CCDC40: variants seen among roughly 807,000 people sequenced by gnomAD.
CCDC40 encodes the protein coiled-coil domain 40 molecular ruler complex subunit, also known as coiled-coil domain-containing protein 40.
CCDC40 carries 104 observed loss-of-function variants against 124.5 expected under a neutral mutation model. The observed-to-expected ratio is 0.84, with a 90% CI of 0.71 to 0.98. CCDC40 has a LOEUF of 0.98. CCDC40 is among the 50% of genes least tolerant of loss of function. The probability of loss-of-function intolerance (pLI) is 0.00; values close to 1 mark genes in which losing one functional copy is unlikely to be tolerated. For synonymous variants in CCDC40, 580 were observed against 602.9 expected, an observed-to-expected ratio of 0.96 and a Z score of 0.56; for missense variants, 1,463 against 1,503.9, an observed-to-expected ratio of 0.97 and a Z score of 0.45.
chr17:80,049,373 C>T (rs1293946099), intron 5 of CCDC40, among the ~76,000 whole-genome samples: 1 of 149,020 alleles, frequency 6.7e-6, no homozygotes, highest in Non-Finnish European at 1.5e-5. Context: ...GGCACCAGTG[C>T]ACTCCAGCCT....
rs1485851817 is a variant in CCDC40 at position 80,044,704 on chromosome 17, A to ATGTGTATATATATATATAT, written c.553-2575_553-2574insTGTGTATATATATATATAT. On this transcript the variant is annotated intron_variant, in intron 3 of 19. Coordinates refer to ENST00000397545, the MANE Select transcript of CCDC40 (RefSeq NM_017950.4). ...TCTCAAAAACAAAACAAAACAAACA[A>ATGTGTATATATATATATAT]ACAAAAAAAAAAATATATATATATA... Among the ~76,000 whole-genome samples, 60 of 37,200 alleles carry ATGTGTATATATATATATAT rather than the reference A, an allele frequency of 1.6e-3. 2 individuals are homozygous for ATGTGTATATATATATATAT. The highest frequency in any genetic ancestry group is 4.2e-3 in the African/African-American group (53 of 12,622). The allele number at this position is 37,200 out of a possible 152,430, so 24.4% of individuals were successfully genotyped here.
At chr17:80,085,092 A>C in intron 13 of CCDC40, 104 bp downstream of exon 13, 1 of 1,418,384 alleles carries the variant, frequency 7.1e-7, no homozygotes, top group Non-Finnish European at 9.7e-7. Context: ...CCTGGAAGGC[A>C]CAGAACTGCC....
chr17:80,086,299 T>C lies in CCDC40; in HGVS notation c.2449+83T>C, dbSNP rs2038587576. ...CACCTCCCAGGGGAGGGGCACTCAG[T>C]GGGGCACGTCGCTGGATTTGCACGC... On this transcript the variant is annotated intron_variant, in intron 14 of 19. Coordinates refer to ENST00000397545, the MANE Select transcript of CCDC40 (RefSeq NM_017950.4). This position sits in a 1 kb window ranked among gnomAD's most constrained non-coding sequence, Gnocchi z 5.5. 8.8e-7 allele frequency: 1 copy of C among 1,131,938 alleles called. No homozygotes were observed. The highest frequency in any genetic ancestry group is 1.3e-6 in the Non-Finnish European group (1 of 767,356). 70.1% of individuals were successfully genotyped at this position (1,131,938 alleles called of 1,614,324 possible).
chr17:80,092,755 C>T (rs1348046482), intron 17 of CCDC40, among the ~76,000 whole-genome samples: 1 of 151,866 alleles, frequency 6.6e-6, no homozygotes, highest in East Asian at 1.9e-4. Flanking sequence ...GGATTACGGG[C>T]ACACACCACG....
At position 80,078,986 on chromosome 17, in the gene CCDC40, T is replaced by C. The variant is rs1350049317; in HGVS notation, c.1563-2560T>C. On this transcript the variant is annotated intron_variant, in intron 10 of 19. Coordinates refer to ENST00000397545, the MANE Select transcript of CCDC40 (RefSeq NM_017950.4). ...TCTTGCTCTATCACCTGGGCTGGAG[T>C]GCAGCGGAACAATCTCAGCTTACTG... 5.4e-5 allele frequency among the ~76,000 whole-genome samples: 8 copies of C among 147,988 alleles called. No homozygotes were observed. In the South Asian group the frequency reaches 1.7e-3, roughly 32 times the overall value.
chr17:80,044,650 T>C (rs2037366210), intron 3 of CCDC40, among the ~76,000 whole-genome samples: 1 of 149,402 alleles, frequency 6.7e-6, no homozygotes, highest in Admixed American at 6.7e-5. Context: ...GCCACTGCAC[T>C]CCAGCCTGGG....
At position 80,050,057 on chromosome 17, in the gene CCDC40, G is replaced by A. The variant is rs727504972; in HGVS notation, c.940-7G>A. 8.9e-5 allele frequency: 143 copies of A among 1,613,860 alleles called. No homozygotes were observed. Among genetic ancestry groups the A allele is most frequent in the Non-Finnish European group, 1.2e-4 (139 of 1,179,940 alleles). ...TCCTGGTGACCCTGTTTCTCTCTTTGGTCCAGGTTGTGGCTACCAAGCAGA... is the reference window on the plus strand; with the variant it reads ...TCCTGGTGACCCTGTTTCTCTCTTTAGTCCAGGTTGTGGCTACCAAGCAGA... On this transcript the variant is annotated splice_polypyrimidine_tract_variant and splice_region_variant and intron_variant, in intron 6 of 19. Transcript: ENST00000397545.
At chr17:80,091,700 T>C (rs12150151) in intron 17 of CCDC40, among the ~76,000 whole-genome samples, 100,407 of 152,006 alleles carry the variant, frequency 0.66, 33,469 homozygotes, top group Middle Eastern at 0.8. Context: ...ATCCAGGCAT[T>C]CCTTAGCCCA....
chr17:80,065,047 C>T (rs576220444), intron 9 of CCDC40, among the ~76,000 whole-genome samples: 2 of 121,730 alleles, frequency 1.6e-5, no homozygotes, highest in Admixed American at 1.6e-4. Flanking sequence ...CCGTCTTCCC[C>T]CTCCCCCTCC....
intron 12 of CCDC40, 24 bp downstream of exon 12, chr17:80,082,082 G>T: frequency 1.2e-6 from 2 of 1,608,436 alleles, no homozygotes; most frequent in Non-Finnish European, 1.7e-6. Context: ...CCAGGGAGGG[G>T]CTGTGCGAAG....
chr17:80,058,666 C>T lies in CCDC40; in HGVS notation c.1317+15C>T, dbSNP rs1158892268. 1 of 1,613,802 alleles carries T rather than the reference C, an allele frequency of 6.2e-7. No individual in the cohort carries two copies. The highest frequency in any genetic ancestry group is 1.7e-5 in the Admixed American group (1 of 60,018). On this transcript the variant is annotated intron_variant, in intron 8 of 19. Coordinates refer to ENST00000397545, the MANE Select transcript of CCDC40 (RefSeq NM_017950.4). This position sits in a 1 kb window ranked among gnomAD's most constrained non-coding sequence, Gnocchi z 4.2. ...AGAAAAAGCAGGTATTCTGCAAACTCGACACATGTTTAATGATCACCAGAC... is the reference window on the plus strand; with the variant it reads ...AGAAAAAGCAGGTATTCTGCAAACTTGACACATGTTTAATGATCACCAGAC...
chr17:80,099,762 C>A lies in CCDC40; in HGVS notation c.3416C>A (p.Pro1139Gln), dbSNP rs935581287. ...SQMIANKLES[P>Q]GPS Reference sequence around the variant, plus strand: ...ATGATCGCCAACAAGCTCGAGTCACCAGGGCCCTCCTAGGGAGCAGCCTGG... The same window carrying A: ...ATGATCGCCAACAAGCTCGAGTCACAAGGGCCCTCCTAGGGAGCAGCCTGG... The change falls in exon 20 of 20, where the codon CCA becomes CAA. Residue 1139 changes from proline to glutamine, a missense_variant. Coordinates refer to ENST00000397545, the MANE Select transcript of CCDC40 (RefSeq NM_017950.4). The A allele has an allele frequency of 1.2e-6, 2 of 1,612,846 alleles. No homozygotes were observed. Among genetic ancestry groups the A allele is most frequent in the African/African-American group, 2.7e-5 (2 of 74,866 alleles).
intron 17 of CCDC40, among the ~76,000 whole-genome samples, chr17:80,094,165 A>G (rs1244038521): frequency 6.7e-6 from 1 of 149,888 alleles, no homozygotes; most frequent in Non-Finnish European, 1.5e-5. Context: ...TAATCCTAGC[A>G]CTTTGGGAGG....
At chr17:80,095,486 T>C (rs751334141) in intron 18 of CCDC40, 35 bp downstream of exon 18, 2 of 1,601,096 alleles carry the variant, frequency 1.2e-6, no homozygotes, top group Non-Finnish European at 1.7e-6. Flanking sequence ...GGGCGCCTGC[T>C]CCTCTCTCTG....
rs1342763884 is a variant in CCDC40 at position 80,095,370 on chromosome 17, G to C, written c.2940G>C (p.Lys980Asn). ...CCACCCAGGCCGAGGGGCAGCGCAA[G>C]ATGGACAGGAAGGCGCTCACCCGCA... ...TVTTQAEGQRKMDRKALTRTD... is the reference protein window; with the variant it reads ...TVTTQAEGQRNMDRKALTRTD... The change falls in exon 18 of 20, where the codon AAG becomes AAC. Residue 980 changes from lysine (K) to asparagine (N), a missense_variant. Physicochemically the swap from Lys to Asn is moderately conservative, Grantham distance 94 (BLOSUM62 0). Coordinates refer to ENST00000397545, the MANE Select transcript of CCDC40 (RefSeq NM_017950.4). 1.2e-5 allele frequency: 20 copies of C among 1,614,038 alleles called. No individual in the cohort carries two copies. Among genetic ancestry groups the C allele is most frequent in the Non-Finnish European group, 1.7e-5 (20 of 1,180,066 alleles).
At chr17:80,067,459 C>T in intron 10 of CCDC40, 1 of 802,220 alleles carries the variant, frequency 1.2e-6, no homozygotes, top group Non-Finnish European at 2.1e-6. Flanking sequence ...CGTGGGAGCA[C>T]ACCACACTCA....
At chr17:80,063,602 A>G (rs140149472) in intron 9 of CCDC40, among the ~76,000 whole-genome samples, 2,248 of 152,286 alleles carry the variant, frequency 0.015, 55 homozygotes, top group African/African-American at 0.052. Flanking sequence ...CTCCTTAGTG[A>G]ATAACTTACC....
At chr17:80,056,016 A>ATATATATATATTTT (rs71163913) in intron 7 of CCDC40, among the ~76,000 whole-genome samples, 1 of 10,250 alleles carries the variant, frequency 9.8e-5, no homozygotes, top group African/African-American at 3.5e-4. Flanking sequence ...ATATATATAT[A>ATATATATATATTTT]TTTTTTTTTT....
intron 10 of CCDC40, among the ~76,000 whole-genome samples, chr17:80,072,503 ATAAGG>A (rs2038217575): frequency 6.6e-6 from 1 of 152,198 alleles, no homozygotes; most frequent in Non-Finnish European, 1.5e-5. Context: ...TTAGACATTT[ATAAGG>A]CTGCTCCTTC....
Sources: gnomAD v4.1 joint callset for allele counts (sites outside exome capture counted in the v4.1 genomes callset) on GRCh38, gnomAD v4.1.1 for gene constraint, Gnocchi (gnomAD v3.1) non-coding constraint, MANE v1.5 for transcripts, NCBI Gene and HGNC (gene_info 2026-07-23, HGNC 2026-07-21) for gene names.